The following ATP11A variants were observed in gnomAD, a reference collection of about 807,000 sequenced individuals.
ATP11A encodes the protein phospholipid-transporting ATPase IH.
A neutral mutation model predicts 154.4 loss-of-function variants in ATP11A; 81 were observed. The observed-to-expected ratio is 0.52, with a 90% CI of 0.44 to 0.63. ATP11A has a LOEUF of 0.63. Among genes scored for constraint, ATP11A ranks in the 30% least tolerant of loss-of-function variants. The pLI, the probability that ATP11A is intolerant of heterozygous loss-of-function variation, is 0.00. For missense variants in ATP11A, 1,316 were observed against 1,474.3 expected, an observed-to-expected ratio of 0.89 and a Z score of 1.76; for synonymous variants, 623 against 585.9, an observed-to-expected ratio of 1.06 and a Z score of -0.91.
chr13:112,724,177 G>GCC, intron 1 of ATP11A, among the ~76,000 whole-genome samples: 1 of 121,434 alleles, frequency 8.2e-6, no homozygotes. Flanking sequence ...CTCCCCCATC[G>GCC]CCCTCTTCGC....
At chr13:112,827,958 G>C (rs1176666099) in intron 12 of ATP11A, among the ~76,000 whole-genome samples, 2 of 152,242 alleles carry the variant, frequency 1.3e-5, no homozygotes, top group African/African-American at 4.8e-5. Flanking sequence ...TCAATAGTCA[G>C]GTATTTTTAT....
At chr13:112,752,268 G>C (rs2076710981) in intron 1 of ATP11A, among the ~76,000 whole-genome samples, 1 of 152,244 alleles carries the variant, frequency 6.6e-6, no homozygotes. Context: ...AGAAGAAAAT[G>C]GGGCAGGACA....
chr13:112,700,755 A>AC (rs1886423634), intron 1 of ATP11A, among the ~76,000 whole-genome samples: 1 of 152,092 alleles, frequency 6.6e-6, no homozygotes, highest in South Asian at 2.1e-4. Context: ...GCGGTCTCAA[A>AC]CCCAGGGCCT....
chr13:112,740,059 A>G (rs1891377465), intron 1 of ATP11A, among the ~76,000 whole-genome samples: 1 of 151,780 alleles, frequency 6.6e-6, no homozygotes, highest in African/African-American at 2.4e-5. Flanking sequence ...CGATTGTGCA[A>G]TTCTGTAAAT....
rs1446050781 is a variant in ATP11A at position 112,883,411 on chromosome 13, T to G, written c.*1545T>G. On this transcript the variant is annotated 3_prime_UTR_variant, in exon 30 of 30. Transcript: ENST00000375645. ...CCTTTCAGGAAAGCACCACCAACGC[T>G]GGAGGAGGAGCCGGCCCTCACGCCC... 2 of 383,838 alleles carry G rather than the reference T, an allele frequency of 5.2e-6. No individual in the cohort carries two copies. The highest frequency in any genetic ancestry group is 3.7e-5 in the East Asian group (1 of 26,912). The allele number at this position is 383,838 out of a possible 1,614,324, so 23.8% of individuals were successfully genotyped here. A position where few individuals can be genotyped will look rare whatever the true frequency, so the allele number is the denominator to read the frequency against.
At chr13:112,706,985 G>A (rs1887208329) in intron 1 of ATP11A, among the ~76,000 whole-genome samples, 1 of 152,204 alleles carries the variant, frequency 6.6e-6, no homozygotes, top group Non-Finnish European at 1.5e-5. Flanking sequence ...TAGACAAAAA[G>A]CAAATTCGAG....
intron 4 of ATP11A, among the ~76,000 whole-genome samples, chr13:112,809,568 G>A (rs1416102086): frequency 6.6e-6 from 1 of 152,154 alleles, no homozygotes; most frequent in African/African-American, 2.4e-5. Context: ...ACATGCAGTG[G>A]GCCCGTGGCA....
chr13:112,885,163 CGT>C lies in ATP11A; in HGVS notation c.*3301_*3302del, dbSNP rs2080954196. 1.3e-5 allele frequency: 2 copies of C among 152,262 alleles called. No individual in the cohort carries two copies. Among genetic ancestry groups the C allele is most frequent in the South Asian group, 4.1e-4 (2 of 4,830 alleles). The allele number at this position is 152,262 out of a possible 1,614,324, so 9.4% of individuals were successfully genotyped here. On this transcript the variant is annotated 3_prime_UTR_variant, in exon 30 of 30. Transcript: ENST00000375645. ...CACGTGTACACATACCACAGACACG[CGT>C]GTGCATGCTCCTACACAATACATAT...
chr13:112,715,744 G>A lies in ATP11A; in HGVS notation c.39+25289G>A, dbSNP rs1004791941. 2.2e-4 allele frequency among the ~76,000 whole-genome samples: 33 copies of A among 151,646 alleles called. 1 individual carries two copies. The highest frequency in any genetic ancestry group is 1.7e-3 in the South Asian group (8 of 4,756). ...TAACCTGTGCCTTTTCAGCAGTTGT[G>A]CTATTTTGCAGGACGAATTCGCACC... On this transcript the variant is annotated intron_variant, in intron 1 of 29. Coordinates refer to ENST00000375645, the MANE Select transcript of ATP11A (RefSeq NM_015205.3).
intron 18 of ATP11A, among the ~76,000 whole-genome samples, chr13:112,853,200 A>G (rs1420841854): frequency 6.6e-6 from 1 of 152,138 alleles, no homozygotes; most frequent in African/African-American, 2.4e-5. Context: ...AGCCTGGGCA[A>G]CATAAGGCGT....
rs1050995229 is a variant in ATP11A at position 112,696,999 on chromosome 13, G to C, written c.39+6544G>C. 1 of 152,802 alleles carries C rather than the reference G, an allele frequency of 6.5e-6. No homozygotes were observed. Among genetic ancestry groups the C allele is most frequent in the African/African-American group, 2.4e-5 (1 of 41,570 alleles). 9.5% of individuals were successfully genotyped at this position (152,802 alleles called of 1,614,324 possible). ...TGCGTGCGCAGGCTGGCGGGTGGGC[G>C]AGGCGGGTGGAGGATGCGTGGGGCG... On this transcript the variant is annotated intron_variant, in intron 1 of 29. Coordinates refer to ENST00000375645, the MANE Select transcript of ATP11A (RefSeq NM_015205.3). The surrounding 1 kb of genome is among the most constrained non-coding windows in gnomAD (Gnocchi z 6.2).
intron 16 of ATP11A, among the ~76,000 whole-genome samples, chr13:112,839,964 G>A (rs986899050): frequency 9.9e-5 from 15 of 152,122 alleles, no homozygotes; most frequent in African/African-American, 2.9e-4. Context: ...GTCGGGAAAC[G>A]GCTCTGACAT....
chr13:112,759,119 T>G (rs2076909588), intron 1 of ATP11A, among the ~76,000 whole-genome samples: 1 of 152,214 alleles, frequency 6.6e-6, no homozygotes, highest in African/African-American at 2.4e-5. Context: ...CTGTCCCCTC[T>G]TATCCTTGGT....
intron 1 of ATP11A, among the ~76,000 whole-genome samples, chr13:112,770,072 T>C (rs1342137700): frequency 6.6e-6 from 1 of 152,224 alleles, no homozygotes; most frequent in Non-Finnish European, 1.5e-5. Flanking sequence ...CAAGCGATGC[T>C]TTGGTCACCG....
chr13:112,837,934 T>TG (rs1157608535), intron 16 of ATP11A, among the ~76,000 whole-genome samples: 1 of 151,888 alleles, frequency 6.6e-6, no homozygotes, highest in African/African-American at 2.4e-5. Flanking sequence ...ATGGCTGCTC[T>TG]GGGGGGCTGC....
chr13:112,828,271 G>C (rs2078993502), intron 12 of ATP11A, among the ~76,000 whole-genome samples: 1 of 143,088 alleles, frequency 7.0e-6, no homozygotes, highest in African/African-American at 2.6e-5. Flanking sequence ...AAAGCACCCA[G>C]CAGTGTTGAG....
intron 1 of ATP11A, among the ~76,000 whole-genome samples, chr13:112,744,222 G>A (rs1273566258): frequency 1.3e-5 from 2 of 152,184 alleles, no homozygotes; most frequent in Non-Finnish European, 2.9e-5. Context: ...GGAGTGCAGT[G>A]TTCTGTATGT....
intron 1 of ATP11A, among the ~76,000 whole-genome samples, chr13:112,778,444 G>A (rs985340378): frequency 3.9e-5 from 6 of 152,250 alleles, no homozygotes; most frequent in African/African-American, 1.4e-4. Context: ...TACATTCTAA[G>A]TTGAGGTAAT....
intron 1 of ATP11A, among the ~76,000 whole-genome samples, chr13:112,732,094 G>T (rs1422354323): frequency 6.6e-6 from 1 of 152,184 alleles, no homozygotes; most frequent in Non-Finnish European, 1.5e-5. Context: ...GTTCGGTCCT[G>T]TCGGGAAGTT....
Sources: allele counts gnomAD v4.1 joint callset (sites outside exome capture counted in the v4.1 genomes callset), GRCh38; gene constraint gnomAD v4.1.1; non-coding constraint Gnocchi (gnomAD v3.1); transcripts MANE v1.5; gene names NCBI Gene and HGNC (gene_info 2026-07-23, HGNC 2026-07-21).